The following PCDHA5 variants were observed in gnomAD, a reference collection of about 807,000 sequenced individuals.
PCDHA5 encodes protocadherin alpha-5.
In PCDHA5, 43 loss-of-function variants were observed where a neutral mutation model predicts 61.6. The observed-to-expected ratio is 0.70, with a 90% CI of 0.55 to 0.90. PCDHA5 has a LOEUF of 0.90. Among genes scored for constraint, PCDHA5 ranks in the 40% least tolerant of loss-of-function variants. The pLI is 0.00. For synonymous variants in PCDHA5, 627 were observed against 543.9 expected (o/e 1.15, Z -2.13); for missense variants, 1,298 against 1,222.7 (o/e 1.06, Z -0.92).
chr5:140,941,169 C>T (rs1283079666), intron 1 of PCDHA5, among the ~76,000 whole-genome samples: 1 of 145,950 alleles, frequency 6.9e-6, no homozygotes, highest in Admixed American at 6.9e-5. Flanking sequence ...GACTCCCCAT[C>T]TTGAACATCC....
chr5:141,009,771 T>A lies in PCDHA5; in HGVS notation c.2645T>A (p.Ile882Asn). The change falls in exon 4 of 4, where the codon ATC (isoleucine) becomes AAC (asparagine). Residue 882 changes from isoleucine (I) to asparagine (N), a missense_variant. Transcript: ENST00000529859. The part of the protein sequence containing the change: ...DKFIIPGSPA[I>N]ISIRQEPTNS... ...TTCATTATCCCAGGATCTCCTGCAA[T>A]CATCTCCATCCGGCAGGAGCCTACT... 3 of 1,614,082 alleles carry A rather than the reference T, an allele frequency of 1.9e-6. No homozygotes were observed. Among genetic ancestry groups the A allele is most frequent in the Non-Finnish European group, 2.5e-6 (3 of 1,180,020 alleles).
At chr5:140,829,268 G>C (rs2150164967) in intron 1 of PCDHA5, 4 of 1,614,210 alleles carry the variant, frequency 2.5e-6, no homozygotes, top group East Asian at 2.2e-5. Flanking sequence ...GACGCCTCAC[G>C]TCCCTTTCAA....
chr5:140,958,135 G>A (rs868969031), intron 1 of PCDHA5, among the ~76,000 whole-genome samples: 1 of 152,036 alleles, frequency 6.6e-6, no homozygotes, highest in Non-Finnish European at 1.5e-5. Flanking sequence ...GTATCAGTGT[G>A]TATATTTATA....
intron 3 of PCDHA5, 34 bp from the exon 4 acceptor site, chr5:141,009,593 C>G: frequency 6.2e-7 from 1 of 1,602,020 alleles, no homozygotes; most frequent in South Asian, 1.1e-5. Flanking sequence ...CATGTGTTGA[C>G]CCTGTTAATG....
intron 1 of PCDHA5, among the ~76,000 whole-genome samples, chr5:140,963,504 G>T (rs1044640224): frequency 4.6e-5 from 7 of 152,222 alleles, no homozygotes; most frequent in Admixed American, 1.3e-4. Flanking sequence ...CAAATCTCTT[G>T]AAGGGGTTCT....
intron 2 of PCDHA5, among the ~76,000 whole-genome samples, chr5:140,980,943 T>C (rs573281233): frequency 1.6e-4 from 25 of 152,172 alleles, no homozygotes; most frequent in Non-Finnish European, 3.1e-4. Context: ...CTGAGCTGGC[T>C]CCAGGATAGT....
At chr5:140,896,012 T>C (rs1554186792) in intron 1 of PCDHA5, among the ~76,000 whole-genome samples, 3 of 152,162 alleles carry the variant, frequency 2.0e-5, no homozygotes, top group African/African-American at 7.2e-5. Context: ...GGTTTCTCCA[T>C]GTTGGCCAGG....
At chr5:140,841,400 G>C (rs1777194245) in intron 1 of PCDHA5, 1 of 1,613,096 alleles carries the variant, frequency 6.2e-7, no homozygotes, top group Admixed American at 1.7e-5. Context: ...CTGGAAGGTG[G>C]GGAGCGGCCA....
chr5:140,856,877 A>G, intron 1 of PCDHA5: 1 of 1,595,914 alleles, frequency 6.3e-7, no homozygotes, highest in Non-Finnish European at 8.6e-7. Flanking sequence ...CAAGGAAATG[A>G]TGTATTCATT....
intron 1 of PCDHA5, chr5:140,929,617 A>C: frequency 2.5e-6 from 1 of 401,992 alleles, no homozygotes; most frequent in Non-Finnish European, 4.5e-6. Context: ...AAATACCAAA[A>C]TATTTTATAA....
At chr5:140,996,655 A>G (rs974466773) in intron 3 of PCDHA5, among the ~76,000 whole-genome samples, 5 of 152,226 alleles carry the variant, frequency 3.3e-5, no homozygotes, top group African/African-American at 1.2e-4. Context: ...TCCTGGGTGC[A>G]GGCTAGTTTT....
At chr5:140,898,816 C>T (rs1216644860) in intron 1 of PCDHA5, among the ~76,000 whole-genome samples, 5 of 152,148 alleles carry the variant, frequency 3.3e-5, no homozygotes, top group African/African-American at 1.2e-4. Context: ...TTCTTCCTAC[C>T]CATGAGCATG....
chr5:140,946,491 G>T (rs1292553232), intron 1 of PCDHA5, among the ~76,000 whole-genome samples: 2 of 151,676 alleles, frequency 1.3e-5, no homozygotes, highest in Middle Eastern at 3.4e-3. Context: ...CAAAGGAAAT[G>T]AAATCAGTAT....
chr5:140,971,652 G>A (rs1554233517), intron 1 of PCDHA5, among the ~76,000 whole-genome samples: 1 of 152,134 alleles, frequency 6.6e-6, no homozygotes, highest in African/African-American at 2.4e-5. Context: ...ATTAAAAGTA[G>A]ATGGGAATTA....
At chr5:140,849,211 C>G (rs2040817305) in intron 1 of PCDHA5, 1 of 1,031,974 alleles carries the variant, frequency 9.7e-7, no homozygotes, top group East Asian at 2.6e-5. Flanking sequence ...AATGACAATG[C>G]CCCAGTGTTC....
Position 140,835,520 on chromosome 5 carries a change from T to G in PCDHA5, c.2352+11393T>G. On this transcript the variant is annotated intron_variant, in intron 1 of 3. Coordinates refer to ENST00000529859, the MANE Select transcript of PCDHA5 (RefSeq NM_018908.3). ...TGATTAGCGTGTTTGACCGAGATTT[T>G]GGAGTCAACGGACAGGTTACCTGCT... 4 of 1,613,956 alleles carry G rather than the reference T, an allele frequency of 2.5e-6. No homozygotes were observed. Among genetic ancestry groups the G allele is most frequent in the Non-Finnish European group, 3.4e-6 (4 of 1,179,884 alleles).
At chr5:140,843,413 G>A (rs2150359466) in intron 1 of PCDHA5, 1 of 1,596,100 alleles carries the variant, frequency 6.3e-7, no homozygotes, top group Non-Finnish European at 8.6e-7. Flanking sequence ...GGATGTCAAC[G>A]TGTACCTGAT....
At chr5:140,893,879 G>A (rs747246517) in intron 1 of PCDHA5, among the ~76,000 whole-genome samples, 26 of 152,060 alleles carry the variant, frequency 1.7e-4, no homozygotes, top group Admixed American at 4.6e-4. Flanking sequence ...GATCCAAAGT[G>A]GCCAGAAAGT....
In PCDHA5 at chr5:140,911,791, C is replaced by G. The variant is rs567528220; in HGVS notation, c.2353-67158C>G. 3.9e-5 allele frequency among the ~76,000 whole-genome samples: 6 copies of G among 152,230 alleles called. No homozygotes were observed. The East Asian group carries it at 9.6e-4, about 24-fold the overall frequency. ...AGTACAGTCCTTAGCATTTTTGGGT[C>G]TAATCATATTAAGCAGCCTTCTCCA... On this transcript the variant is annotated intron_variant, in intron 1 of 3. Transcript: ENST00000529859.
Sources: allele counts gnomAD v4.1 joint callset (sites outside exome capture counted in the v4.1 genomes callset), GRCh38; gene constraint gnomAD v4.1.1; transcripts MANE v1.5; gene names NCBI Gene and HGNC (gene_info 2026-07-23, HGNC 2026-07-21).